NME4: variants seen among roughly 807,000 people sequenced by gnomAD.
NME4 encodes nucleoside diphosphate kinase D, mitochondrial.
NME4 carries 21 observed loss-of-function variants against 16.4 expected under a neutral mutation model. The ratio of observed to expected loss-of-function variants is 1.28; its 90% confidence interval spans 0.91 to 1.84. The LOEUF is 1.84. Among genes scored for constraint, NME4 ranks in the 40% most tolerant of loss-of-function variants. The pLI is 0.00. For synonymous variants in NME4, 132 were observed against 107.5 expected (o/e 1.23, Z -1.41); for missense variants, 316 against 261.3 (o/e 1.21, Z -1.44).
chr16:399,388 A>G lies in NME4; in HGVS notation c.235A>G (p.Ser79Gly). ...VGMKMLQAPESVLAEHYQDLR... is the reference protein window; with the variant it reads ...VGMKMLQAPEGVLAEHYQDLR... ...CCTCAATGCCACCCAGGCACCAGAG[A>G]GCGTCCTTGCCGAGCACTACCAGGA... Residue 79 changes from serine to glycine, a missense_variant, in exon 3 of 5, where the codon AGC becomes GGC. By Grantham distance (56) the Ser-to-Gly change is moderately conservative. Transcript: ENST00000219479. The G allele has an allele frequency of 1.2e-6, 2 of 1,612,810 alleles. No homozygotes were observed. Among genetic ancestry groups the G allele is most frequent in the Non-Finnish European group, 1.7e-6 (2 of 1,179,950 alleles).
chr16:397,155 G>T (rs954811370), upstream of NME4: 1,670 of 631,238 alleles, frequency 2.6e-3, 6 homozygotes, highest in Non-Finnish European at 3.1e-3. Context: ...GGGCGGGGGC[G>T]GGTCTCGGGC....
rs1461171957 is a variant in NME4, at chr16:399,389, G to A, written c.236G>A (p.Ser79Asn). 2 of 1,612,852 alleles carry A rather than the reference G, an allele frequency of 1.2e-6. No individual in the cohort carries two copies. The highest frequency in any genetic ancestry group is 1.3e-5 in the African/African-American group (1 of 74,914). ...CTCAATGCCACCCAGGCACCAGAGA[G>A]CGTCCTTGCCGAGCACTACCAGGAC... ...VGMKMLQAPE[S>N]VLAEHYQDLR... The change falls in exon 3 of 5, where the codon AGC becomes AAC. Residue 79 changes from serine to asparagine, a missense_variant. By Grantham distance (46) the Ser-to-Asn change is conservative. Transcript: ENST00000219479.
At chr16:398,517 T>A in intron 1 of NME4, 1 of 762,366 alleles carries the variant, frequency 1.3e-6, no homozygotes, top group Non-Finnish European at 1.8e-6. Flanking sequence ...AGGGATGGAG[T>A]CAAAAGTGAG....
In NME4 at chr16:400,394, G is replaced by C. The variant is rs186250206; in HGVS notation, c.*52G>C. ...CCCCCACGCAGGACCAACTACCTCC[G>C]TCAGCAAGAACCCAAGCCCACATCC... On this transcript the variant is annotated 3_prime_UTR_variant, in exon 5 of 5. Coordinates refer to ENST00000219479, the MANE Select transcript of NME4 (RefSeq NM_005009.3). 4 of 1,568,832 alleles carry C rather than the reference G, an allele frequency of 2.5e-6. No homozygotes were observed. Among genetic ancestry groups the C allele is most frequent in the Middle Eastern group, 2.3e-4 (1 of 4,300 alleles).
intron 1 of NME4, chr16:397,827 G>A (rs1231439688): frequency 9.2e-6 from 14 of 1,529,046 alleles, no homozygotes; most frequent in African/African-American, 4.2e-5. Context: ...CCCCGGCCCC[G>A]CCGCTGCCCG....
chr16:399,285 T>TA (rs1388755346), intron 2 of NME4, 94 bp from the exon 3 acceptor site: 1 of 1,421,244 alleles, frequency 7.0e-7, no homozygotes, highest in South Asian at 1.1e-5. Flanking sequence ...ATGCTGGTGT[T>TA]ATCTGCAAGG....
intron 2 of NME4, 118 bp downstream of exon 2, chr16:399,241 A>G: frequency 6.8e-7 from 1 of 1,462,874 alleles, no homozygotes; most frequent in South Asian, 1.1e-5. Flanking sequence ...TTGAAGGGGC[A>G]GGAGGGATCT....
chr16:397,112 GGGGGGCTCCGGGGCGGC>G (rs2054557633), upstream of NME4: 8 of 69,178 alleles, frequency 1.2e-4, no homozygotes, highest in South Asian at 4.8e-4. Flanking sequence ...CCGGGGCGGC[GGGGGGCTCCGGGGCGGC>G]GGGGGGCTCC....
In NME4 at chr16:397,853, A is replaced by T. The variant is rs1254403906; in HGVS notation, c.91+540A>T. 3.2e-6 allele frequency: 5 copies of T among 1,545,890 alleles called. No individual in the cohort carries two copies. In the African/African-American group the frequency reaches 4.2e-5, roughly 13 times the overall value. On this transcript the variant is annotated intron_variant, in intron 1 of 4. Coordinates refer to ENST00000219479, the MANE Select transcript of NME4 (RefSeq NM_005009.3). ...CCGCTGCCCGGCCCCCCCAGCTGCC[A>T]CCTCACAGGACGATCCATGTCCCAG...
intron 2 of NME4, 107 bp from the exon 3 acceptor site, chr16:399,272 C>G (rs1261458783): frequency 7.1e-7 from 1 of 1,402,754 alleles, no homozygotes; most frequent in South Asian, 1.2e-5. Context: ...GGGGGTGCTG[C>G]CCATGCTGGT....
chr16:400,092 T>C (rs1382343283), intron 4 of NME4, 127 bp from the exon 5 acceptor site: 1 of 1,387,752 alleles, frequency 7.2e-7, no homozygotes. Flanking sequence ...CCACTGTTAC[T>C]CCTTCCCTGT....
intron 2 of NME4, 86 bp from the exon 3 acceptor site, chr16:399,293 A>C (rs1350209513): frequency 7.0e-7 from 1 of 1,433,944 alleles, no homozygotes; most frequent in Non-Finnish European, 9.8e-7. Flanking sequence ...GTTATCTGCA[A>C]GGTGCCTGAG....
At position 400,333 on chromosome 16, in the gene NME4, C is replaced by A. The variant is rs1364846331; in HGVS notation, c.555C>A (p.His185Gln). The A allele has an allele frequency of 3.1e-6, 5 of 1,602,520 alleles. No individual in the cohort carries two copies. Among genetic ancestry groups the A allele is most frequent in the Non-Finnish European group, 4.2e-6 (5 of 1,178,138 alleles). The change falls in exon 5 of 5, where the codon CAC becomes CAA. Residue 185 changes from histidine to glutamine, a missense_variant. By Grantham distance (24) the His-to-Gln change is conservative. Coordinates refer to ENST00000219479, the MANE Select transcript of NME4 (RefSeq NM_005009.3). Reference sequence around the variant, plus strand: ...ACGGGGGCCAGCACAGCAGCATCCACCCAGCCTGAGGCTCAAGCTGCCCTT... The same window carrying A: ...ACGGGGGCCAGCACAGCAGCATCCAACCAGCCTGAGGCTCAAGCTGCCCTT... ...WADGGQHSSI[H>Q]PA
In NME4 at chr16:397,278, C is replaced by A. The variant is rs2054561399; in HGVS notation, c.56C>A (p.Ala19Asp). 10 of 1,057,616 alleles carry A rather than the reference C, an allele frequency of 9.5e-6. No homozygotes were observed. Among genetic ancestry groups the A allele is most frequent in the Non-Finnish European group, 1.0e-5 (9 of 878,686 alleles). 65.5% of individuals were successfully genotyped at this position (1,057,616 alleles called of 1,614,324 possible). A position where few individuals can be genotyped will look rare whatever the true frequency, so the allele number is the denominator to read the frequency against. ...ALRGLRCGPR[A>D]PGPSLLVRHG... is the part of the protein sequence containing the mutation. ...CGGGGGCTGCGCTGCGGCCCGCGGG[C>A]CCCGGGCCCGAGCCTGCTAGTGCGC... The change falls in exon 1 of 5, where the codon GCC becomes GAC. Residue 19 changes from alanine to aspartate, a missense_variant. Transcript: ENST00000219479.
intron 1 of NME4, chr16:398,308 C>T (rs1659541549): frequency 7.5e-7 from 1 of 1,337,936 alleles, no homozygotes; most frequent in Non-Finnish European, 9.9e-7. Flanking sequence ...GCCCCGTCTC[C>T]TGGCTCGGAC....
chr16:398,056 C>T (rs1597183373), intron 1 of NME4: 2 of 1,529,200 alleles, frequency 1.3e-6, no homozygotes, highest in East Asian at 4.9e-5. Context: ...TCCTCCTGGC[C>T]TGGCGGAGCC....
chr16:398,909 C>T, intron 1 of NME4, 81 bp from the exon 2 acceptor site: 1 of 1,579,816 alleles, frequency 6.3e-7, no homozygotes, highest in South Asian at 1.1e-5. Context: ...CTGGTGACCC[C>T]TGGGCTCTGG....
At position 400,578 on chromosome 16, in the gene NME4, TG is replaced by T. The variant is rs577292049; in HGVS notation, c.*245del. 6.8e-3 allele frequency: 3,107 copies of T among 454,478 alleles called. No homozygotes were observed. The highest frequency in any genetic ancestry group is 0.011 in the South Asian group (252 of 23,938). The allele number at this position is 454,478 out of a possible 1,614,324, so 28.2% of individuals were successfully genotyped here. On this transcript the variant is annotated 3_prime_UTR_variant, in exon 5 of 5. Coordinates refer to ENST00000219479, the MANE Select transcript of NME4 (RefSeq NM_005009.3). Reference sequence around the variant, plus strand: ...CCAAAGTGCCGGACAACCTTTGTGGTGGGGGGGGGTCTTCACATTATCATAA... The same window carrying T: ...CCAAAGTGCCGGACAACCTTTGTGGTGGGGGGGGTCTTCACATTATCATAA...
chr16:398,078 G>A (rs1304109642), intron 1 of NME4: 1 of 1,529,946 alleles, frequency 6.5e-7, no homozygotes, highest in Non-Finnish European at 8.8e-7. Flanking sequence ...CTTTGGCTCT[G>A]TCCAGATTCT....
Sources: gnomAD v4.1 joint callset for allele counts on GRCh38, gnomAD v4.1.1 for gene constraint, MANE v1.5 for transcripts, NCBI Gene and HGNC (gene_info 2026-07-23, HGNC 2026-07-21) for gene names.